The following DGKD variants were observed in gnomAD, a reference collection of about 807,000 sequenced individuals.
DGKD encodes the protein DAG kinase delta.
In DGKD, 68 loss-of-function variants were observed where a neutral mutation model predicts 154.4. That is an observed-to-expected ratio of 0.44 (90% confidence interval 0.36 to 0.54). The LOEUF is 0.54. Among genes scored for constraint, DGKD ranks in the 20% least tolerant of loss-of-function variants. The pLI, the probability that DGKD is intolerant of heterozygous loss-of-function variation, is 0.00. For synonymous variants in DGKD, 693 were observed against 638.0 expected (o/e 1.09, Z -1.30); for missense variants, 1,343 against 1,593.6 (o/e 0.84, Z 2.68).
rs80287493 is a variant in DGKD at position 233,385,883 on chromosome 2, G to A, written c.157-2374G>A. 2,437 of 449,944 alleles carry A rather than the reference G, an allele frequency of 5.4e-3. 18 individuals carry two copies. Among genetic ancestry groups the A allele is most frequent in the Non-Finnish European group, 8.7e-3 (1,905 of 219,192 alleles). 27.9% of individuals were successfully genotyped at this position (449,944 alleles called of 1,614,324 possible). A position where few individuals can be genotyped will look rare whatever the true frequency, so the allele number is the denominator to read the frequency against. The stretch of plus-strand genomic sequence containing the variant: ...TATCTTTTCCCCAGCCTTTTCCGCT[G>A]AAACCCACCAGTCTTTTTCTGAGCA... On this transcript the variant is annotated intron_variant, in intron 1 of 29. Coordinates refer to ENST00000264057, the MANE Select transcript of DGKD (RefSeq NM_152879.3).
intron 1 of DGKD, among the ~76,000 whole-genome samples, chr2:233,378,826 C>G (rs1461589218): frequency 1.3e-5 from 2 of 152,138 alleles, no homozygotes. Flanking sequence ...TAAGGGAGGC[C>G]AAGGCCTGAG....
Position 233,445,856 on chromosome 2 carries a change from T to A in DGKD, c.1334+94T>A. ...CTTAACCTGGGGTCTGTGGAAAACA[T>A]GGGCCCTCTGAAATTATTTGTAAAG... On this transcript the variant is annotated intron_variant, in intron 11 of 29. Transcript: ENST00000264057. The surrounding 1 kb of genome is among the most constrained non-coding windows in gnomAD (Gnocchi z 5.5). The A allele has an allele frequency of 2.9e-6, 4 of 1,389,700 alleles. No individual in the cohort carries two copies. Among genetic ancestry groups the A allele is most frequent in the Admixed American group, 2.8e-5 (1 of 35,236 alleles). The allele number at this position is 1,389,700 out of a possible 1,614,324, so 86.1% of individuals were successfully genotyped here. A position where few individuals can be genotyped will look rare whatever the true frequency, so the allele number is the denominator to read the frequency against.
chr2:233,426,712 T>C (rs577195466), intron 3 of DGKD, among the ~76,000 whole-genome samples: 1 of 152,294 alleles, frequency 6.6e-6, no homozygotes, highest in South Asian at 2.1e-4. Context: ...TCTCGTATGC[T>C]TTGATGAGGA....
rs140704292 is a variant in DGKD at position 233,458,328 on chromosome 2, C to T, written c.2625C>T (p.Val875=). The change falls in exon 22 of 30, where the codon GTC becomes GTT. Residue 875 remains valine (V), a synonymous_variant. Coordinates refer to ENST00000264057, the MANE Select transcript of DGKD (RefSeq NM_152879.3). The surrounding 1 kb of genome is among the most constrained non-coding windows in gnomAD (Gnocchi z 6.6). ...TCGATGACAAGATTCTGGAGGTGGT[C>T]GCCGTGTTCGGCAGCATGCAGATGG... ...PSFDDKILEV[V]AVFGSMQMAV... is the part of the protein sequence containing the mutation. The T allele has an allele frequency of 1.9e-4, 301 of 1,612,498 alleles. No homozygotes were observed. The African/African-American group carries it at 3.6e-3, about 19-fold the overall frequency.
At chr2:233,360,850 A>G (rs965888945) in intron 1 of DGKD, among the ~76,000 whole-genome samples, 1 of 152,192 alleles carries the variant, frequency 6.6e-6, no homozygotes, top group East Asian at 1.9e-4. Flanking sequence ...GTTGATGCAA[A>G]CCAAGGAATG....
chr2:233,400,087 G>A (rs2061522295), intron 3 of DGKD, among the ~76,000 whole-genome samples: 1 of 152,198 alleles, frequency 6.6e-6, no homozygotes. Context: ...TCTCCTCACT[G>A]AGAGTGTTTT....
At chr2:233,430,852 A>G (rs544496541) in intron 3 of DGKD, among the ~76,000 whole-genome samples, 34 of 152,278 alleles carry the variant, frequency 2.2e-4, no homozygotes, top group African/African-American at 8.2e-4. Context: ...AACTTTGCCA[A>G]TCCCATGGGC....
In DGKD at chr2:233,462,510, C is replaced by G. The variant is rs567444768; in HGVS notation, c.3093+51C>G. 3 of 1,555,524 alleles carry G rather than the reference C, an allele frequency of 1.9e-6. No homozygotes were observed. The South Asian group carries it at 3.4e-5, about 18-fold the overall frequency. ...TGGCTTCTTCTCAGTGTCTGCCGCC[C>G]TCGGCCCTCCCCGTGCGTGTTCATT... On this transcript the variant is annotated intron_variant, in intron 25 of 29. Transcript: ENST00000264057.
rs1388738030 is a variant in DGKD at position 233,438,645 on chromosome 2, G to A, written c.1085+266G>A. Among the ~76,000 whole-genome samples, 1 of 152,158 alleles carries A rather than the reference G, an allele frequency of 6.6e-6. No homozygotes were observed. Among genetic ancestry groups the A allele is most frequent in the Non-Finnish European group, 1.5e-5 (1 of 68,034 alleles). On this transcript the variant is annotated intron_variant, in intron 9 of 29. Transcript: ENST00000264057. This position sits in a 1 kb window ranked among gnomAD's most constrained non-coding sequence, Gnocchi z 4.1. ...GCACGTGCATCTTTTGAGCCAATCA[G>A]GATTCTTCTTTACCTGCCGTTGCAC... is the stretch of plus-strand genomic sequence containing the variant.
intron 3 of DGKD, among the ~76,000 whole-genome samples, chr2:233,423,617 C>T (rs1032834891): frequency 2.0e-5 from 3 of 152,154 alleles, no homozygotes; most frequent in Non-Finnish European, 4.4e-5. Flanking sequence ...GCTTGGCCTC[C>T]TCTGGATACT....
At chr2:233,446,989 G>A (rs1237755500) in intron 12 of DGKD, among the ~76,000 whole-genome samples, 193 bp downstream of exon 12, 1 of 152,226 alleles carries the variant, frequency 6.6e-6, no homozygotes, top group Non-Finnish European at 1.5e-5. Context: ...GGCCTTTTGG[G>A]CTTTGTGACC....
At position 233,440,348 on chromosome 2, in the gene DGKD, T is replaced by C. The variant is rs139170654; in HGVS notation, c.1086-1539T>C. Reference sequence around the variant, plus strand: ...GCATCACCTATGCCTGTCTGTCTTCTGAGCACTCATTCTGGGTCAGACACT... The same window carrying C: ...GCATCACCTATGCCTGTCTGTCTTCCGAGCACTCATTCTGGGTCAGACACT... On this transcript the variant is annotated intron_variant, in intron 9 of 29. Transcript: ENST00000264057. This position sits in a 1 kb window ranked among gnomAD's most constrained non-coding sequence, Gnocchi z 4.9. Among the ~76,000 whole-genome samples, 2 of 152,276 alleles carry C rather than the reference T, an allele frequency of 1.3e-5. No individual in the cohort carries two copies. The highest frequency in any genetic ancestry group is 2.4e-5 in the African/African-American group (1 of 41,566).
chr2:233,404,870 A>G (rs1219238988), intron 3 of DGKD, among the ~76,000 whole-genome samples: 1 of 152,090 alleles, frequency 6.6e-6, no homozygotes, highest in Non-Finnish European at 1.5e-5. Flanking sequence ...GAGCTGCCCC[A>G]GGTATGGAAG....
Position 233,393,541 on chromosome 2 carries a change from TTGTCTAGGC to T in DGKD, c.348+3061_348+3069del, listed in dbSNP as rs529008082. On this transcript the variant is annotated intron_variant, in intron 3 of 29. Transcript: ENST00000264057. ...TAGTTAGAGATGGGTTTTCGCCATG[TTGTCTAGGC>T]TGGTCTTGACCTCCTGACCTCAAGT... Among the ~76,000 whole-genome samples, 216 of 152,020 alleles carry T rather than the reference TTGTCTAGGC, an allele frequency of 1.4e-3. 3 individuals are homozygous for T. Among genetic ancestry groups the T allele is most frequent in the African/African-American group, 4.9e-3 (203 of 41,450 alleles).
At chr2:233,400,476 G>T (rs899833390) in intron 3 of DGKD, among the ~76,000 whole-genome samples, 1 of 152,218 alleles carries the variant, frequency 6.6e-6, no homozygotes, top group Non-Finnish European at 1.5e-5. Flanking sequence ...CCTGGCCTGG[G>T]CCTCCCTGGC....
intron 3 of DGKD, 41 bp downstream of exon 3, chr2:233,390,524 A>G (rs775857210): frequency 3.3e-6 from 5 of 1,519,282 alleles, no homozygotes; most frequent in South Asian, 1.1e-5. Flanking sequence ...TCTTCACTGA[A>G]GTTGGCTTTC....
chr2:233,358,192 A>G (rs1487267995), intron 1 of DGKD, among the ~76,000 whole-genome samples: 4 of 152,170 alleles, frequency 2.6e-5, no homozygotes. Context: ...TGGAGCTAAC[A>G]CTCCGACCAG....
intron 27 of DGKD, among the ~76,000 whole-genome samples, chr2:233,464,495 T>C (rs2063768353): frequency 6.6e-6 from 1 of 152,004 alleles, no homozygotes; most frequent in African/African-American, 2.4e-5. Context: ...GGATTAAGAG[T>C]GCCCCTTGAG....
chr2:233,422,479 C>G (rs1373887971), intron 3 of DGKD, among the ~76,000 whole-genome samples: 3 of 152,204 alleles, frequency 2.0e-5, no homozygotes, highest in East Asian at 3.8e-4. Context: ...GCTGGCATTT[C>G]TACCCACCCC....
Sources: gnomAD v4.1 joint callset for allele counts (sites outside exome capture counted in the v4.1 genomes callset) on GRCh38, gnomAD v4.1.1 for gene constraint, Gnocchi (gnomAD v3.1) non-coding constraint, MANE v1.5 for transcripts, NCBI Gene and HGNC (gene_info 2026-07-23, HGNC 2026-07-21) for gene names.